The following TTN variants were observed in gnomAD, a reference collection of about 807,000 sequenced individuals.
TTN encodes the protein titin, also known as connectin.
In TTN, 1,525 loss-of-function variants were observed where a neutral mutation model predicts 3,223.0. The observed-to-expected ratio is 0.47, with a 90% CI of 0.45 to 0.49. TTN has a LOEUF of 0.49. TTN is among the 20% of genes least tolerant of loss of function. The pLI, the probability that TTN is intolerant of heterozygous loss-of-function variation, is 0.00. For missense variants in TTN, 40,786 were observed against 43,424.0 expected (o/e 0.94, Z 5.40); for synonymous variants, 14,094 against 15,161.0 (o/e 0.93, Z 5.17).
Position 178,570,724 on chromosome 2 carries a change from A to G in TTN, c.75408T>C (p.Tyr25136=), listed in dbSNP as rs769484085. 9.9e-6 allele frequency: 16 copies of G among 1,613,598 alleles called. No homozygotes were observed. Among genetic ancestry groups the G allele is most frequent in the African/African-American group, 1.3e-5 (1 of 75,016 alleles). The change falls in exon 326 of 363, where the codon TAT becomes TAC. Residue 25136 remains tyrosine (Y), a synonymous_variant. Coordinates refer to ENST00000589042, the MANE Select transcript of TTN (RefSeq NM_001267550.2). ...GESFKVDADI[Y]GKPIPTIQWI... ...ACTGAATGGTTGGTATTGGTTTGCC[A>G]TAAATATCTGCATCAACCTTGAATG...
Position 178,611,291 on chromosome 2 carries a change from A to G in TTN, c.50858-20T>C. The G allele has an allele frequency of 1.2e-6, 2 of 1,611,000 alleles. No individual in the cohort carries two copies. The highest frequency in any genetic ancestry group is 1.7e-6 in the Non-Finnish European group (2 of 1,178,886). On this transcript the variant is annotated intron_variant, in intron 269 of 362. Transcript: ENST00000589042. ...GCTTGCCTGTAAGATATCATTCAAA[A>G]GAGCAAAAAACAGAGTATGTCAAAA...
intron 163 of TTN, among the ~76,000 whole-genome samples, chr2:178,666,460 G>C (rs1229580073): frequency 6.6e-6 from 1 of 152,076 alleles, no homozygotes; most frequent in Non-Finnish European, 1.5e-5. Flanking sequence ...GGATATTCTG[G>C]GAGGGTCTCA....
intron 112 of TTN, among the ~76,000 whole-genome samples, chr2:178,698,435 G>A (rs935570991): frequency 1.3e-5 from 2 of 151,970 alleles, no homozygotes; most frequent in African/African-American, 4.8e-5. Context: ...TAATTGGCTT[G>A]ATTTAATTAT....
Position 178,720,969 on chromosome 2 carries a change from G to A in TTN, c.23050C>T (p.His7684Tyr), listed in dbSNP as rs759120198. 3 of 1,606,606 alleles carry A rather than the reference G, an allele frequency of 1.9e-6. No homozygotes were observed. Among genetic ancestry groups the A allele is most frequent in the South Asian group, 2.2e-5 (2 of 90,748 alleles). ...CAGCTGGCGTCACCAACACCATTAT[G>A]AGCCTCACAAATGTAGTCCCCGCTG... is the stretch of plus-strand genomic sequence containing the variant. ...EDSGDYICEAHNGVGDASCST... is the reference protein window; with the variant it reads ...EDSGDYICEAYNGVGDASCST... Residue 7684 changes from histidine to tyrosine, a missense_variant, in exon 79 of 363, where the codon CAT becomes TAT. Physicochemically the swap from His to Tyr is moderately conservative, Grantham distance 83. Coordinates refer to ENST00000589042, the MANE Select transcript of TTN (RefSeq NM_001267550.2).
rs761618267 is a variant in TTN at position 178,562,453 on chromosome 2, G to T, written c.83679C>A (p.Ser27893Arg). Reference protein sequence around the residue: ...KWEKPESDGGSKITGYVVEMQ... With the variant: ...KWEKPESDGGRKITGYVVEMQ... Reference sequence around the variant, plus strand: ...TTTCAACCACATAACCAGTAATTTTGCTGCCACCATCACTTTCTGGTTTCT... The same window carrying T: ...TTTCAACCACATAACCAGTAATTTTTCTGCCACCATCACTTTCTGGTTTCT... The change falls in exon 326 of 363, where the codon AGC (serine) becomes AGA (arginine). Residue 27893 changes from serine (S) to arginine (R), a missense_variant. By Grantham distance (110) the Ser-to-Arg change is moderately radical (BLOSUM62 -1). Transcript: ENST00000589042. 6.2e-7 allele frequency: 1 copy of T among 1,613,066 alleles called. No individual in the cohort carries two copies. The highest frequency in any genetic ancestry group is 1.1e-5 in the South Asian group (1 of 90,984).
At chr2:178,704,003 A>G (rs2075437411) in intron 106 of TTN, 144 bp downstream of exon 106, 11 of 1,058,440 alleles carry the variant, frequency 1.0e-5, no homozygotes, top group Non-Finnish European at 1.2e-5. Flanking sequence ...GAACTTTGAG[A>G]TGAATACTAT....
In TTN at chr2:178,773,992, G is replaced by A. The variant is rs780985946; in HGVS notation, c.7176C>T (p.Gly2392=). Residue 2392 remains glycine (G), a synonymous_variant, in exon 31 of 363, where the codon GGC becomes GGT. Transcript: ENST00000589042. The part of the protein sequence containing the change: ...ESVEGVWMKD[G]QEVQPSDRVH... ...CCCTGTCACTGGGCTGCACTTCTTG[G>A]CCGTCTTTCATCCAGACGCCTTCCA... The A allele has an allele frequency of 4.3e-6, 7 of 1,614,000 alleles. No individual in the cohort carries two copies. The Admixed American group carries it at 1.0e-4, about 23-fold the overall frequency.
chr2:178,729,908 T>G lies in TTN; in HGVS notation c.18345A>C (p.Leu6115Phe), dbSNP rs771329302. 2.5e-6 allele frequency: 4 copies of G among 1,613,260 alleles called. No homozygotes were observed. The highest frequency in any genetic ancestry group is 3.4e-6 in the Non-Finnish European group (4 of 1,179,614). ...PQFIKKPSPV[L>F]VLRNGQSTTF... ...TTGTTGACTGTCCATTCCTCAGCAC[T>G]AAGACTGGACTGGGCTTCTTAATGA... Residue 6115 changes from leucine (L) to phenylalanine (F), a missense_variant, in exon 63 of 363, where the codon TTA (leucine) becomes TTC (phenylalanine). Leu to Phe is a conservative substitution (Grantham distance 22). Transcript: ENST00000589042.
intron 232 of TTN, 26 bp from the exon 233 acceptor site, chr2:178,633,352 T>A: frequency 6.2e-7 from 1 of 1,613,074 alleles, no homozygotes; most frequent in Non-Finnish European, 8.5e-7. Context: ...TTTGTTAGCA[T>A]GACTGAACTA....
rs2047057436 is a variant in TTN at position 178,578,875 on chromosome 2, T to C, written c.68155A>G (p.Ser22719Gly). ...HEGMEYTFRV[S>G]AENKYGVGEG... Reference sequence around the variant, plus strand: ...CCTACACCATATTTATTTTCGGCACTGACCCTGAAGGTATATTCCATGCCC... The same window carrying C: ...CCTACACCATATTTATTTTCGGCACCGACCCTGAAGGTATATTCCATGCCC... The change falls in exon 320 of 363, where the codon AGT becomes GGT. Residue 22719 changes from serine to glycine, a missense_variant. Ser to Gly is a moderately conservative substitution (Grantham distance 56). Coordinates refer to ENST00000589042, the MANE Select transcript of TTN (RefSeq NM_001267550.2). 3 of 1,613,182 alleles carry C rather than the reference T, an allele frequency of 1.9e-6. No homozygotes were observed. In the East Asian group the frequency reaches 6.7e-5, roughly 36 times the overall value.
chr2:178,545,064 T>A (rs1247692679), intron 344 of TTN, among the ~76,000 whole-genome samples: 1 of 152,214 alleles, frequency 6.6e-6, no homozygotes, highest in Non-Finnish European at 1.5e-5. Flanking sequence ...AAAAGGAGTT[T>A]TGCCATTTTT....
At position 178,535,551 on chromosome 2, in the gene TTN, A is replaced by G. The variant is rs368168812; in HGVS notation, c.101064T>C (p.Asp33688=). Residue 33688 remains aspartate, a synonymous_variant, in exon 358 of 363, where the codon GAT becomes GAC. Coordinates refer to ENST00000589042, the MANE Select transcript of TTN (RefSeq NM_001267550.2). ...DQKTVELDVA[D]VPDPPRGVKV... is the part of the protein sequence containing the mutation. Reference sequence around the variant, plus strand: ...TGACTCCTCTGGGTGGGTCAGGAACATCAGCCACATCCAGTTCAACTGTCT... The same window carrying G: ...TGACTCCTCTGGGTGGGTCAGGAACGTCAGCCACATCCAGTTCAACTGTCT... The G allele has an allele frequency of 4.2e-4, 675 of 1,613,920 alleles. 1 individual carries two copies. The African/African-American group carries it at 8.2e-3, about 20-fold the overall frequency.
Position 178,649,144 on chromosome 2 carries a change from T to C in TTN, c.40057+104A>G, listed in dbSNP as rs937831413. 5 of 895,426 alleles carry C rather than the reference T, an allele frequency of 5.6e-6. No homozygotes were observed. The African/African-American group carries it at 7.1e-5, about 13-fold the overall frequency. The allele number at this position is 895,426 out of a possible 1,614,324, so 55.5% of individuals were successfully genotyped here. On this transcript the variant is annotated intron_variant, in intron 213 of 362. Transcript: ENST00000589042. ...TTATTTCCCTTTTTTCTGTGCAATATGGTTTTAACATAAATTCACATTCAG... is the reference window on the plus strand; with the variant it reads ...TTATTTCCCTTTTTTCTGTGCAATACGGTTTTAACATAAATTCACATTCAG...
rs72646898 is a variant in TTN, at chr2:178,571,530, T to C, written c.74602A>G (p.Ile24868Val). Residue 24868 changes from isoleucine (I) to valine (V), a missense_variant, in exon 326 of 363, where the codon ATA (isoleucine) becomes GTA (valine). Transcript: ENST00000589042. ...IVSATVARTT[I>V]KACRLKTGCE... is the part of the protein sequence containing the mutation. ...CCAGTCTTCAGTCTGCAAGCCTTTA[T>C]TGTTGTCCTTGCAACTGTAGCTGAT... 4.7e-4 allele frequency: 750 copies of C among 1,609,588 alleles called. 2 individuals are homozygous for C. The highest frequency in any genetic ancestry group is 6.0e-4 in the Non-Finnish European group (709 of 1,176,406).
rs1159979005 is a variant in TTN, at chr2:178,613,235, A to G, written c.49574T>C (p.Val16525Ala). Residue 16525 changes from valine to alanine, a missense_variant, in exon 264 of 363, where the codon GTG becomes GCG. Val to Ala is a moderately conservative substitution (Grantham distance 64). Coordinates refer to ENST00000589042, the MANE Select transcript of TTN (RefSeq NM_001267550.2). The part of the protein sequence containing the change: ...LTNKKKYRFR[V>A]LAENLAGPGK... ...AGGTCCAGCAAGATTTTCAGCCAAC[A>G]CACGGAATCTGTATTTTTTCTTATT... is the stretch of plus-strand genomic sequence containing the variant. 2 of 1,611,458 alleles carry G rather than the reference A, an allele frequency of 1.2e-6. No homozygotes were observed.
chr2:178,541,464 C>T lies in TTN; in HGVS notation c.97613G>A (p.Arg32538His), dbSNP rs3731749. Reference sequence around the variant, plus strand: ...CCATCGATCTGCTCTCACTTCTTTGCGCTCCACAATATATCCAGTCACTTG... The same window carrying T: ...CCATCGATCTGCTCTCACTTCTTTGTGCTCCACAATATATCCAGTCACTTG... ...GSQVTGYIVERKEVRADRWVR... is the reference protein window; with the variant it reads ...GSQVTGYIVEHKEVRADRWVR... The change falls in exon 350 of 363, where the codon CGC (arginine) becomes CAC (histidine). Residue 32538 changes from arginine (R) to histidine (H), a missense_variant. By Grantham distance (29) the Arg-to-His change is conservative. Coordinates refer to ENST00000589042, the MANE Select transcript of TTN (RefSeq NM_001267550.2). The T allele has an allele frequency of 0.15, 246,127 of 1,612,826 alleles. 21,855 individuals are homozygous for T. Among genetic ancestry groups the T allele is most frequent in the East Asian group, 0.43 (19,451 of 44,780 alleles).
At chr2:178,538,310 G>T in intron 354 of TTN, 1 of 492,368 alleles carries the variant, frequency 2.0e-6, no homozygotes, top group Non-Finnish European at 3.5e-6. Flanking sequence ...TGCATTAGAG[G>T]GAATTACTCA....
rs1311916383 is a variant in TTN at position 178,651,456 on chromosome 2, T to C, written c.39544A>G (p.Lys13182Glu). The change falls in exon 207 of 363, where the codon AAA becomes GAA. Residue 13182 changes from lysine (K) to glutamate (E), a missense_variant. Lys to Glu is a moderately conservative substitution (Grantham distance 56, BLOSUM62 1). Coordinates refer to ENST00000589042, the MANE Select transcript of TTN (RefSeq NM_001267550.2). ...VPKKPEAPPAKVPEVPKEVVP... is the reference protein window; with the variant it reads ...VPKKPEAPPAEVPEVPKEVVP... ...AACAGTGGACAGCCACATATACCTTTAGCAGGTGGGGCTTCTGGCTTTTTG... is the reference window on the plus strand; with the variant it reads ...AACAGTGGACAGCCACATATACCTTCAGCAGGTGGGGCTTCTGGCTTTTTG... 2 of 1,610,126 alleles carry C rather than the reference T, an allele frequency of 1.2e-6. No individual in the cohort carries two copies. Among genetic ancestry groups the C allele is most frequent in the Admixed American group, 1.7e-5 (1 of 59,076 alleles).
At chr2:178,692,760 C>T (rs1173609621) in intron 119 of TTN, among the ~76,000 whole-genome samples, 180 bp from the exon 120 acceptor site, 1 of 152,132 alleles carries the variant, frequency 6.6e-6, no homozygotes, top group East Asian at 1.9e-4. Context: ...TGACTGCTGT[C>T]ACCTTTAACT....
Sources: gnomAD v4.1 joint callset for allele counts (sites outside exome capture counted in the v4.1 genomes callset) on GRCh38, gnomAD v4.1.1 for gene constraint, MANE v1.5 for transcripts, NCBI Gene and HGNC (gene_info 2026-07-23, HGNC 2026-07-21) for gene names.